Variants in PRKG1 observed in about 807,000 individuals in gnomAD.
PRKG1 encodes protein kinase cGMP-dependent 1, also known as cGMP-dependent protein kinase 1.
In PRKG1, 35 loss-of-function variants were observed where a neutral mutation model predicts 88.1. That is an observed-to-expected ratio of 0.40 (90% CI 0.30 to 0.53). The LOEUF is 0.53. PRKG1 is among the 20% of genes least tolerant of loss of function. The pLI is 0.59. For synonymous variants in PRKG1, 303 were observed against 292.5 expected (o/e 1.04, Z -0.37); for missense variants, 540 against 839.8 (o/e 0.64, Z 4.41).
intron 3 of PRKG1, among the ~76,000 whole-genome samples, chr10:51,653,527 G>A (rs927756402): frequency 1.3e-5 from 2 of 151,964 alleles, no homozygotes; most frequent in Non-Finnish European, 1.5e-5. Context: ...AGAAATATCT[G>A]TTCAAGTCCT....
intron 10 of PRKG1, among the ~76,000 whole-genome samples, chr10:52,262,934 A>G (rs185878857): frequency 6.8e-4 from 103 of 152,226 alleles, no homozygotes; most frequent in Non-Finnish European, 1.1e-3. Flanking sequence ...GTTCACCTCA[A>G]ACACAACCAT....
intron 1 of PRKG1, among the ~76,000 whole-genome samples, chr10:51,118,698 A>G (rs1342181697): frequency 6.6e-6 from 1 of 152,132 alleles, no homozygotes; most frequent in Non-Finnish European, 1.5e-5. Context: ...CTCAATTAGA[A>G]CACAGTTCTG....
intron 3 of PRKG1, among the ~76,000 whole-genome samples, chr10:51,606,375 G>T (rs1280679356): frequency 1.3e-5 from 2 of 152,152 alleles, no homozygotes; most frequent in African/African-American, 2.4e-5. Flanking sequence ...TGAGAGTTCT[G>T]TTATGCAGCC....
chr10:51,593,931 A>T (rs1589114725), intron 3 of PRKG1, among the ~76,000 whole-genome samples: 1 of 152,004 alleles, frequency 6.6e-6, no homozygotes, highest in Non-Finnish European at 1.5e-5. Context: ...CACCATGTTG[A>T]CCAGGCTGAT....
At chr10:51,637,539 C>A (rs1589151011) in intron 3 of PRKG1, among the ~76,000 whole-genome samples, 1 of 152,206 alleles carries the variant, frequency 6.6e-6, no homozygotes, top group Non-Finnish European at 1.5e-5. Context: ...CAATGATAGA[C>A]TAGATAAAGA....
At chr10:51,392,804 C>G (rs1396728133) in intron 2 of PRKG1, among the ~76,000 whole-genome samples, 1 of 145,812 alleles carries the variant, frequency 6.9e-6, no homozygotes, top group African/African-American at 2.5e-5. Context: ...GCTGGCCGGG[C>G]GGGGGGCTGA....
chr10:51,083,547 T>C (rs1844169865), intron 1 of PRKG1, among the ~76,000 whole-genome samples: 1 of 150,816 alleles, frequency 6.6e-6, no homozygotes, highest in Non-Finnish European at 1.5e-5. Flanking sequence ...TATTTTATCC[T>C]TTTAAGGCAA....
At chr10:51,714,949 T>A (rs962277813) in intron 3 of PRKG1, among the ~76,000 whole-genome samples, 1 of 152,210 alleles carries the variant, frequency 6.6e-6, no homozygotes, top group Non-Finnish European at 1.5e-5. Context: ...CTTATAAATA[T>A]ATTTAATGAA....
chr10:52,015,934 C>G (rs1845028544), intron 5 of PRKG1, among the ~76,000 whole-genome samples: 1 of 152,200 alleles, frequency 6.6e-6, no homozygotes, highest in Admixed American at 6.5e-5. Flanking sequence ...CCATCTGAGA[C>G]CACCTCAGCC....
intron 17 of PRKG1, 32 bp downstream of exon 17, chr10:52,290,322 A>T: frequency 6.6e-7 from 1 of 1,523,108 alleles, no homozygotes; most frequent in Non-Finnish European, 9.0e-7. Context: ...TAATTGTGTG[A>T]CATAATTGAT....
At chr10:51,656,989 A>T (rs1052499208) in intron 3 of PRKG1, among the ~76,000 whole-genome samples, 2 of 152,172 alleles carry the variant, frequency 1.3e-5, no homozygotes, top group Non-Finnish European at 2.9e-5. Context: ...TCTGTGCCTC[A>T]GTTTTCTCAC....
intron 2 of PRKG1, among the ~76,000 whole-genome samples, chr10:51,272,545 T>G: frequency 6.6e-6 from 1 of 152,080 alleles, no homozygotes; most frequent in East Asian, 1.9e-4. Flanking sequence ...GAGGCTCTTC[T>G]CCACTTTAAG....
At chr10:51,660,793 G>A (rs576279786) in intron 3 of PRKG1, among the ~76,000 whole-genome samples, 1 of 152,174 alleles carries the variant, frequency 6.6e-6, no homozygotes, top group East Asian at 1.9e-4. Flanking sequence ...ATGGCTGCCA[G>A]TGGGTAAAAA....
At chr10:50,994,460 A>G (rs1589095488) in intron 1 of PRKG1, among the ~76,000 whole-genome samples, 1 of 111,758 alleles carries the variant, frequency 8.9e-6, no homozygotes, top group Admixed American at 1.4e-4. Flanking sequence ...CCCAGGCTGG[A>G]GTGGAGTGGT....
rs755732991 is a variant in PRKG1, at chr10:51,747,440, C to T, written c.593-57145C>T. On this transcript the variant is annotated intron_variant, in intron 3 of 17. Transcript: ENST00000373980. ...CATGTTCTGCCCAAATCACAAGTCA[C>T]CCTGCTGGGATGTCTGAAGGCGCAG... is the stretch of plus-strand genomic sequence containing the variant. 2.0e-5 allele frequency among the ~76,000 whole-genome samples: 3 copies of T among 152,052 alleles called. No individual in the cohort carries two copies. In the East Asian group the frequency reaches 5.8e-4, roughly 29 times the overall value.
chr10:51,387,665 G>A (rs1837288625), intron 2 of PRKG1, among the ~76,000 whole-genome samples: 1 of 152,062 alleles, frequency 6.6e-6, no homozygotes, highest in Non-Finnish European at 1.5e-5. Flanking sequence ...CTTTCTGGCT[G>A]GTTAAGTGCC....
At chr10:51,187,339 T>C (rs1213113849) in intron 2 of PRKG1, among the ~76,000 whole-genome samples, 1 of 152,026 alleles carries the variant, frequency 6.6e-6, no homozygotes, top group Non-Finnish European at 1.5e-5. Context: ...GTAAGTCCCA[T>C]TTAATTTGAA....
In PRKG1 at chr10:51,554,788, T is replaced by A. The variant is rs183789131; in HGVS notation, c.592+86952T>A. On this transcript the variant is annotated intron_variant, in intron 3 of 17. Transcript: ENST00000373980. ...TGGGTCCTCCATGAGCAAACATTTG[T>A]TAAATCCATGAATGGTAAAGAGTTC... Among the ~76,000 whole-genome samples the A allele has an allele frequency of 2.8e-3, 427 of 151,936 alleles. 4 individuals are homozygous for A. Among genetic ancestry groups the A allele is most frequent in the African/African-American group, 1.0e-2 (415 of 41,508 alleles).
chr10:51,592,078 A>G (rs2132209395), intron 3 of PRKG1, among the ~76,000 whole-genome samples: 1 of 152,344 alleles, frequency 6.6e-6, no homozygotes, highest in South Asian at 2.1e-4. Context: ...GCAAAGAAGC[A>G]TATTTCTTTA....
Sources: allele counts gnomAD v4.1 joint callset (sites outside exome capture counted in the v4.1 genomes callset), GRCh38; gene constraint gnomAD v4.1.1; transcripts MANE v1.5; gene names NCBI Gene and HGNC (gene_info 2026-07-23, HGNC 2026-07-21).